SECISBP2: variants seen among roughly 807,000 people sequenced by gnomAD.
SECISBP2 encodes the protein SECIS binding protein 2, also known as selenocysteine insertion sequence-binding protein 2.
A neutral mutation model predicts 98.2 loss-of-function variants in SECISBP2; 96 were observed. The ratio of observed to expected loss-of-function variants is 0.98; its 90% CI spans 0.83 to 1.16. The LOEUF is 1.16. SECISBP2 is among the 50% of genes most tolerant of loss of function. The probability of loss-of-function intolerance (pLI) is 0.00; values close to 1 mark genes in which losing one functional copy is unlikely to be tolerated. For synonymous variants in SECISBP2, 407 were observed against 370.2 expected, an observed-to-expected ratio of 1.10 and a Z score of -1.14; for missense variants, 1,046 against 1,022.9, an observed-to-expected ratio of 1.02 and a Z score of -0.31.
Position 89,325,427 on chromosome 9 carries a change from G to A in SECISBP2, c.183G>A (p.Glu61=). The change falls in exon 3 of 17, where the codon GAG becomes GAA. Residue 61 remains glutamate (E), a splice_region_variant and synonymous_variant. Transcript: ENST00000375807. ...ACTAAAGTTTACACTTTTTACTTAGGCAGAAAATATATACTGAAGACATGG... is the reference window on the plus strand; with the variant it reads ...ACTAAAGTTTACACTTTTTACTTAGACAGAAAATATATACTGAAGACATGG... ...YPFVQEPPVT[E]QKIYTEDMAF... 6.2e-7 allele frequency: 1 copy of A among 1,613,804 alleles called. No individual in the cohort carries two copies. Among genetic ancestry groups the A allele is most frequent in the Non-Finnish European group, 8.5e-7 (1 of 1,179,922 alleles).
At chr9:89,346,182 CA>C (rs1438783341) in intron 10 of SECISBP2, among the ~76,000 whole-genome samples, 1 of 151,972 alleles carries the variant, frequency 6.6e-6, no homozygotes, top group Non-Finnish European at 1.5e-5. Flanking sequence ...TTTTCCAGAT[CA>C]AAAAGTGAGG....
At chr9:89,363,687 A>C, downstream of SECISBP2, 4 of 1,596,252 alleles carry the variant, frequency 2.5e-6, no homozygotes, top group Non-Finnish European at 3.4e-6. Context: ...TGCCATTGTA[A>C]ATAGTGAAAA....
At chr9:89,336,887 T>C (rs1406465051) in intron 7 of SECISBP2, among the ~76,000 whole-genome samples, 1 of 149,034 alleles carries the variant, frequency 6.7e-6, no homozygotes, top group Non-Finnish European at 1.5e-5. Context: ...TTCTCCTGCC[T>C]TAGTCTCCCA....
intron 10 of SECISBP2, 67 bp downstream of exon 10, chr9:89,341,546 ATT>A: frequency 6.3e-7 from 1 of 1,583,904 alleles, no homozygotes; most frequent in Non-Finnish European, 8.7e-7. Context: ...TTATGTTACC[ATT>A]TTCTCTTGTT....
intron 9 of SECISBP2, 102 bp from the exon 10 acceptor site, chr9:89,341,245 A>G (rs576039301): frequency 1.8e-6 from 2 of 1,128,262 alleles, no homozygotes; most frequent in Non-Finnish European, 1.3e-6. Flanking sequence ...TCTTTTTTAT[A>G]GTCTCAATCT....
rs1272747835 is a variant in SECISBP2, at chr9:89,319,655, A to T, written c.40A>T (p.Ile14Phe). Residue 14 changes from isoleucine to phenylalanine, a missense_variant, in exon 2 of 17, where the codon ATC becomes TTC. Transcript: ENST00000375807. ...EGPREPESEG[I>F]KLSADVKPFV... ...AAAACCTCATATTTTTCCTCAGGGC[A>T]TCAAGTTATCAGCAGATGTCAAACC... 1 of 1,614,042 alleles carries T rather than the reference A, an allele frequency of 6.2e-7. No individual in the cohort carries two copies. Among genetic ancestry groups the T allele is most frequent in the Non-Finnish European group, 8.5e-7 (1 of 1,180,020 alleles).
intron 16 of SECISBP2, 87 bp from the exon 17 acceptor site, chr9:89,358,634 C>T: frequency 1.2e-6 from 1 of 857,812 alleles, no homozygotes; most frequent in Non-Finnish European, 2.0e-6. Flanking sequence ...TGGCCACAGG[C>T]TCCCTCTCTC....
intron 4 of SECISBP2, among the ~76,000 whole-genome samples, chr9:89,327,947 G>T (rs1827053999): frequency 6.6e-6 from 1 of 152,010 alleles, no homozygotes; most frequent in Admixed American, 6.6e-5. Flanking sequence ...AGTAGCTAGG[G>T]GGCATGCGCC....
chr9:89,321,620 T>G (rs1261731428), intron 2 of SECISBP2, among the ~76,000 whole-genome samples: 1 of 151,836 alleles, frequency 6.6e-6, no homozygotes. Context: ...GAGCCAAGAC[T>G]GCGCCACTGC....
chr9:89,332,116 G>A (rs112280408), intron 5 of SECISBP2, among the ~76,000 whole-genome samples: 4,171 of 152,188 alleles, frequency 0.027, 71 homozygotes, highest in Middle Eastern at 0.075. Context: ...ACTTTGAAAT[G>A]GAAAGTAACT....
downstream of SECISBP2, chr9:89,362,423 G>A (rs1832831171): frequency 1.9e-6 from 3 of 1,614,044 alleles, no homozygotes; most frequent in East Asian, 2.2e-5. Flanking sequence ...CCTTGCTACA[G>A]CTTTCCTGAA....
intron 8 of SECISBP2, among the ~76,000 whole-genome samples, 160 bp from the exon 9 acceptor site, chr9:89,339,704 G>A (rs1012646287): frequency 2.0e-5 from 3 of 151,946 alleles, no homozygotes; most frequent in Admixed American, 2.0e-4. Context: ...TTTGCTCTAA[G>A]TTAAATAAAG....
chr9:89,318,547 C>G lies in SECISBP2; in HGVS notation c.-30C>G, dbSNP rs764326877. 65 of 1,510,278 alleles carry G rather than the reference C, an allele frequency of 4.3e-5. 1 individual carries two copies. Among genetic ancestry groups the G allele is most frequent in the South Asian group, 2.2e-4 (18 of 81,960 alleles). The allele number at this position is 1,510,278 out of a possible 1,614,324, so 93.6% of individuals were successfully genotyped here. On this transcript the variant is annotated 5_prime_UTR_variant, in exon 1 of 17. Transcript: ENST00000375807. ...AAGCCGACGGCCCGCTGCTGGCCTCCGTGACGCGGCCTCCTCCGCGCCTCG... is the reference window on the plus strand; with the variant it reads ...AAGCCGACGGCCCGCTGCTGGCCTCGGTGACGCGGCCTCCTCCGCGCCTCG...
In SECISBP2 at chr9:89,358,209, A is replaced by G; in HGVS notation, c.2461+18A>G. On this transcript the variant is annotated intron_variant, in intron 16 of 16. Coordinates refer to ENST00000375807, the MANE Select transcript of SECISBP2 (RefSeq NM_024077.5). ...ACACTACAGTGAGTGCTTAAGGGAG[A>G]GTTGTGTCAGGTCGAGTGTCCTCTT... 1 of 1,606,250 alleles carries G rather than the reference A, an allele frequency of 6.2e-7. No individual in the cohort carries two copies. Among genetic ancestry groups the G allele is most frequent in the Non-Finnish European group, 8.5e-7 (1 of 1,176,576 alleles).
intron 4 of SECISBP2, among the ~76,000 whole-genome samples, chr9:89,327,721 C>T (rs1390769569): frequency 6.6e-6 from 1 of 152,148 alleles, no homozygotes; most frequent in Non-Finnish European, 1.5e-5. Flanking sequence ...GAGCTGTCAT[C>T]TCCTGTGATA....
At chr9:89,344,925 C>T (rs1247970941) in intron 10 of SECISBP2, among the ~76,000 whole-genome samples, 2 of 152,066 alleles carry the variant, frequency 1.3e-5, no homozygotes, top group Non-Finnish European at 2.9e-5. Flanking sequence ...ATGTATTTAC[C>T]AGTTTCATAT....
In SECISBP2 at chr9:89,338,590, T is replaced by C. The variant is rs780189203; in HGVS notation, c.1212+10T>C. On this transcript the variant is annotated intron_variant, in intron 8 of 16. Transcript: ENST00000375807. ...GCCTCCAAGGATTGAAGTACATTTA[T>C]ATTTTTTATTCACATGGTGTGATAT... is the stretch of plus-strand genomic sequence containing the variant. The C allele has an allele frequency of 3.7e-6, 6 of 1,610,568 alleles. No individual in the cohort carries two copies. The highest frequency in any genetic ancestry group is 5.1e-6 in the Non-Finnish European group (6 of 1,179,054).
intron 12 of SECISBP2, among the ~76,000 whole-genome samples, chr9:89,348,556 CGTG>C (rs1317286792): frequency 2.0e-5 from 3 of 152,186 alleles, no homozygotes; most frequent in African/African-American, 4.8e-5. Flanking sequence ...GTATTGGAGA[CGTG>C]GGGGCGTGAA....
chr9:89,355,360 G>T, intron 14 of SECISBP2: 5 of 985,430 alleles, frequency 5.1e-6, no homozygotes, highest in Non-Finnish European at 6.0e-6. Flanking sequence ...AGAGACCACT[G>T]TGTTCCCTCC....
Sources: gnomAD v4.1 joint callset for allele counts (sites outside exome capture counted in the v4.1 genomes callset) on GRCh38, gnomAD v4.1.1 for gene constraint, MANE v1.5 for transcripts, NCBI Gene and HGNC (gene_info 2026-07-23, HGNC 2026-07-21) for gene names.